The following NRIP1 variants were observed in gnomAD, a reference collection of about 807,000 sequenced individuals.
NRIP1 encodes nuclear receptor interacting protein 1, also known as nuclear receptor-interacting protein 1.
In NRIP1, 28 loss-of-function variants were observed where a neutral mutation model predicts 75.0. The ratio of observed to expected loss-of-function variants is 0.37; its 90% CI spans 0.28 to 0.51. The LOEUF is 0.51. NRIP1 is among the 20% of genes least tolerant of loss of function. The pLI is 0.92. For missense variants in NRIP1, 1,435 were observed against 1,343.7 expected (o/e 1.07, Z -1.06); for synonymous variants, 526 against 487.6 (o/e 1.08, Z -1.04).
intron 3 of NRIP1, among the ~76,000 whole-genome samples, chr21:14,999,576 G>C (rs763309647): frequency 6.6e-6 from 1 of 152,114 alleles, no homozygotes; most frequent in East Asian, 1.9e-4. Flanking sequence ...AAAGCTAGAT[G>C]ATTTGTGTTT....
intron 2 of NRIP1, among the ~76,000 whole-genome samples, chr21:15,017,041 C>T (rs552441368): frequency 1.3e-5 from 2 of 151,936 alleles, no homozygotes; most frequent in South Asian, 4.2e-4. Context: ...AAAGAGAATG[C>T]TGCAACTAGT....
intron 3 of NRIP1, among the ~76,000 whole-genome samples, chr21:14,972,839 C>T (rs941120859): frequency 1.3e-5 from 2 of 152,122 alleles, no homozygotes; most frequent in Non-Finnish European, 2.9e-5. Context: ...CACTAGGGTT[C>T]GCACTTCTAT....
At chr21:14,987,900 C>T (rs571657020) in intron 3 of NRIP1, 4 of 152,290 alleles carry the variant, frequency 2.6e-5, no homozygotes, top group Middle Eastern at 6.8e-3. Context: ...TCCAAAACCA[C>T]GTCAAGGTCT....
rs773658469 is a variant in NRIP1 at position 14,965,839 on chromosome 21, G to A, written c.2354C>T (p.Ala785Val). 17 of 1,613,876 alleles carry A rather than the reference G, an allele frequency of 1.1e-5. No homozygotes were observed. The South Asian group carries it at 1.5e-4, about 15-fold the overall frequency. ...DAKSAPFLGM[A>V]PAVQRSAPAL... ...AGGTGCGCTTCTCTGCACAGCAGGA[G>A]CCATACCCAAGAATGGGGCACTCTT... Residue 785 changes from alanine (A) to valine (V), a missense_variant, in exon 4 of 4, where the codon GCT becomes GTT. Transcript: ENST00000318948.
intron 2 of NRIP1, among the ~76,000 whole-genome samples, chr21:15,034,651 A>ATC (rs1568997033): frequency 6.6e-6 from 1 of 152,190 alleles, no homozygotes; most frequent in African/African-American, 2.4e-5. Context: ...AACATAATAC[A>ATC]CAAGTGTGTA....
At position 15,050,964 on chromosome 21, in the gene NRIP1, C is replaced by A. The variant is rs926571840; in HGVS notation, c.-537-7390G>T. ...TATTCAAAGCTACTATTATTACACA[C>A]CTATAGCTTATTAGTAGTAGTAGCA... On this transcript the variant is annotated intron_variant, in intron 1 of 3. Transcript: ENST00000318948. 1.6e-5 allele frequency: 7 copies of A among 451,310 alleles called. 1 individual carries two copies. The highest frequency in any genetic ancestry group is 7.5e-4 in the Middle Eastern group (2 of 2,684). The allele number at this position is 451,310 out of a possible 1,614,324, so 28.0% of individuals were successfully genotyped here.
chr21:15,035,167 A>G (rs1229088830), intron 2 of NRIP1, among the ~76,000 whole-genome samples: 1 of 152,206 alleles, frequency 6.6e-6, no homozygotes, highest in Non-Finnish European at 1.5e-5. Context: ...CTGTGACAGT[A>G]GCTGCTCTTA....
At position 14,965,113 on chromosome 21, in the gene NRIP1, G is replaced by C. The variant is rs1226209878; in HGVS notation, c.3080C>G (p.Ser1027Cys). ...CATGGAACACCCATTCAAAAGCCCAGATTCTGGTCTAGACCCTGCACAGCC... is the reference window on the plus strand; with the variant it reads ...CATGGAACACCCATTCAAAAGCCCACATTCTGGTCTAGACCCTGCACAGCC... ...HLGCAGSRPESGLLNGCSMPS... is the reference protein window; with the variant it reads ...HLGCAGSRPECGLLNGCSMPS... The change falls in exon 4 of 4, where the codon TCT becomes TGT. Residue 1027 changes from serine (S) to cysteine (C), a missense_variant. Transcript: ENST00000318948. 3 of 1,613,184 alleles carry C rather than the reference G, an allele frequency of 1.9e-6. No homozygotes were observed. The highest frequency in any genetic ancestry group is 2.5e-6 in the Non-Finnish European group (3 of 1,179,922).
Position 14,967,351 on chromosome 21 carries a change from C to A in NRIP1, c.842G>T (p.Arg281Leu), listed in dbSNP as rs550356893. The change falls in exon 4 of 4, where the codon CGA becomes CTA. Residue 281 changes from arginine (R) to leucine (L), a missense_variant. Arg to Leu is a moderately radical substitution (Grantham distance 102, BLOSUM62 -2). Coordinates refer to ENST00000318948, the MANE Select transcript of NRIP1 (RefSeq NM_003489.4). ...ATTTTGCGTTTTTAAAGCGTGTTCT[C>A]GAGAATACTGCTGCAAATGGGCTTC... The part of the protein sequence containing the change: ...SSEAHLQQYS[R>L]EHALKTQNAN... 2.5e-6 allele frequency: 4 copies of A among 1,614,064 alleles called. No homozygotes were observed. The highest frequency in any genetic ancestry group is 1.6e-4 in the Middle Eastern group (1 of 6,062).
intron 3 of NRIP1, among the ~76,000 whole-genome samples, chr21:15,002,537 C>T (rs1426026285): frequency 2.6e-5 from 4 of 152,044 alleles, no homozygotes; most frequent in Non-Finnish European, 4.4e-5. Context: ...GTGTCTACTT[C>T]GGTGAACTAA....
intron 2 of NRIP1, among the ~76,000 whole-genome samples, chr21:15,027,354 T>C (rs1157446405): frequency 4.6e-5 from 7 of 152,196 alleles, no homozygotes; most frequent in Non-Finnish European, 1.0e-4. Context: ...GTTACTTACA[T>C]AACAGAAAAC....
intron 3 of NRIP1, among the ~76,000 whole-genome samples, chr21:14,985,117 G>A (rs182904270): frequency 2.6e-4 from 40 of 152,252 alleles, no homozygotes; most frequent in African/African-American, 7.9e-4. Flanking sequence ...CCCCATGAGA[G>A]TATAAACTCC....
chr21:15,023,554 CG>C (rs1389120212), intron 2 of NRIP1, among the ~76,000 whole-genome samples: 2 of 152,174 alleles, frequency 1.3e-5, no homozygotes, highest in East Asian at 3.9e-4. Flanking sequence ...GCATTAACAA[CG>C]AAACCTAAAT....
rs1433013662 is a variant in NRIP1, at chr21:14,961,358, T to C, written c.*3358A>G. The stretch of plus-strand genomic sequence containing the variant: ...GTTTCATGACATCACATGAAGAAAT[T>C]AAATTTCTAATAAAAATGGCAAATT... On this transcript the variant is annotated 3_prime_UTR_variant, in exon 4 of 4. Coordinates refer to ENST00000318948, the MANE Select transcript of NRIP1 (RefSeq NM_003489.4). The C allele has an allele frequency of 6.6e-6, 1 of 152,418 alleles. No individual in the cohort carries two copies. The highest frequency in any genetic ancestry group is 1.5e-5 in the Non-Finnish European group (1 of 67,906). The allele number at this position is 152,418 out of a possible 1,614,324, so 9.4% of individuals were successfully genotyped here. A position where few individuals can be genotyped will look rare whatever the true frequency, so the allele number is the denominator to read the frequency against.
intron 1 of NRIP1, among the ~76,000 whole-genome samples, chr21:15,047,466 G>A (rs2089107366): frequency 6.6e-6 from 1 of 152,224 alleles, no homozygotes. Context: ...CGTGAACCCA[G>A]GAGGCGGAGC....
chr21:14,983,763 C>G (rs1233368690), intron 3 of NRIP1, among the ~76,000 whole-genome samples: 4 of 152,180 alleles, frequency 2.6e-5, no homozygotes, highest in African/African-American at 9.7e-5. Context: ...ATCCTAAACC[C>G]TTAAAAATGA....
chr21:14,966,311 T>C lies in NRIP1; in HGVS notation c.1882A>G (p.Ser628Gly). ...TGTGCTAAATTTTGTAACAGCTTAC[T>C]GGCACTAAACGTTGCAGAGTTCTGT... ...GAQNSATFSA[S>G]KLLQNLAQCG... is the part of the protein sequence containing the mutation. The change falls in exon 4 of 4, where the codon AGT becomes GGT. Residue 628 changes from serine (S) to glycine (G), a missense_variant. Physicochemically the swap from Ser to Gly is moderately conservative, Grantham distance 56. Coordinates refer to ENST00000318948, the MANE Select transcript of NRIP1 (RefSeq NM_003489.4). 2 of 1,614,156 alleles carry C rather than the reference T, an allele frequency of 1.2e-6. No individual in the cohort carries two copies. Among genetic ancestry groups the C allele is most frequent in the Non-Finnish European group, 1.7e-6 (2 of 1,179,990 alleles).
chr21:14,995,890 T>C (rs972345263), intron 3 of NRIP1, among the ~76,000 whole-genome samples: 3 of 152,180 alleles, frequency 2.0e-5, no homozygotes, highest in African/African-American at 4.8e-5. Context: ...AAACTCATAA[T>C]AGTTTCTATT....
intron 2 of NRIP1, among the ~76,000 whole-genome samples, chr21:15,037,303 T>G (rs2088858068): frequency 6.6e-6 from 1 of 152,202 alleles, no homozygotes; most frequent in African/African-American, 2.4e-5. Context: ...TGTAAGTAAC[T>G]TGCGTAATAT....
Sources: gnomAD v4.1 joint callset for allele counts (sites outside exome capture counted in the v4.1 genomes callset) on GRCh38, gnomAD v4.1.1 for gene constraint, MANE v1.5 for transcripts, NCBI Gene and HGNC (gene_info 2026-07-23, HGNC 2026-07-21) for gene names.